Variants in SOX5 observed in about 807,000 individuals in gnomAD.
The protein encoded by SOX5 is SRY-box transcription factor 5, also known as transcription factor SOX-5.
A neutral mutation model predicts 92.0 loss-of-function variants in SOX5; 9 were observed. The observed-to-expected ratio is 0.10, with a 90% CI of 0.06 to 0.17. SOX5 has a LOEUF of 0.17. Among genes scored for constraint, SOX5 ranks in the 10% least tolerant of loss-of-function variants. The pLI is 1.00. For synonymous variants in SOX5, 344 were observed against 336.3 expected (o/e 1.02, Z -0.25); for missense variants, 642 against 944.5 (o/e 0.68, Z 4.20).
At chr12:23,825,712 A>ATTT (rs2096218600) in intron 3 of SOX5, among the ~76,000 whole-genome samples, 1 of 152,222 alleles carries the variant, frequency 6.6e-6, no homozygotes, top group Non-Finnish European at 1.5e-5. Context: ...TGTTTTCAAA[A>ATTT]CAACAAATAG....
chr12:24,327,217 TCAAA>T (rs1403698745), intron 2 of SOX5, among the ~76,000 whole-genome samples: 1 of 152,114 alleles, frequency 6.6e-6, no homozygotes, highest in African/African-American at 2.4e-5. Flanking sequence ...TTAATTTTCC[TCAAA>T]CAAAGGAGCT....
intron 3 of SOX5, among the ~76,000 whole-genome samples, chr12:24,258,705 A>G (rs191316297): frequency 1.1e-4 from 17 of 152,352 alleles, no homozygotes; most frequent in Non-Finnish European, 1.5e-4. Flanking sequence ...GCTATTTCCT[A>G]TATCATCTTA....
intron 1 of SOX5, among the ~76,000 whole-genome samples, chr12:23,923,459 G>T (rs1370858294): frequency 6.6e-6 from 1 of 152,102 alleles, no homozygotes; most frequent in Non-Finnish European, 1.5e-5. Flanking sequence ...CAGTTAGAAG[G>T]TGAAATTAAG....
intron 1 of SOX5, among the ~76,000 whole-genome samples, chr12:23,934,298 T>G (rs1412147729): frequency 6.6e-6 from 1 of 151,118 alleles, no homozygotes; most frequent in East Asian, 1.9e-4. Flanking sequence ...AGCTATGGTT[T>G]TAGTTTTAGA....
At chr12:23,976,345 T>C (rs1028548235) in intron 4 of SOX5, among the ~76,000 whole-genome samples, 2 of 140,362 alleles carry the variant, frequency 1.4e-5, no homozygotes, top group Non-Finnish European at 3.0e-5. Flanking sequence ...TTAGAGATGA[T>C]GTATTTAAAT....
intron 1 of SOX5, among the ~76,000 whole-genome samples, chr12:24,474,323 CA>C (rs1566254193): frequency 2.0e-5 from 3 of 152,120 alleles, no homozygotes; most frequent in African/African-American, 7.2e-5. Flanking sequence ...AGTTCCCTAA[CA>C]AAAATAACTT....
intron 4 of SOX5, among the ~76,000 whole-genome samples, chr12:24,119,145 G>C (rs562483674): frequency 2.4e-3 from 366 of 152,146 alleles, no homozygotes; most frequent in African/African-American, 8.2e-3. Context: ...ACAAGCATTA[G>C]GTTGTCTGAA....
At chr12:23,936,714 T>C (rs1942642303) in intron 1 of SOX5, among the ~76,000 whole-genome samples, 1 of 150,926 alleles carries the variant, frequency 6.6e-6, no homozygotes, top group South Asian at 2.1e-4. Flanking sequence ...ATTTTAAATT[T>C]TCTAGTAGTC....
chr12:23,655,990 ACTT>A (rs142139912), intron 7 of SOX5, among the ~76,000 whole-genome samples: 5,279 of 152,098 alleles, frequency 0.035, 155 homozygotes, highest in African/African-American at 0.076. Context: ...CAATAATTTG[ACTT>A]CTTTAGAAAT....
intron 2 of SOX5, among the ~76,000 whole-genome samples, chr12:24,314,797 T>G (rs1194766894): frequency 6.6e-6 from 1 of 152,212 alleles, no homozygotes; most frequent in East Asian, 1.9e-4. Flanking sequence ...CTCTGTCCAC[T>G]ACCTGCCATC....
chr12:24,393,127 A>G lies in SOX5; in HGVS notation c.-250-24488T>C, dbSNP rs1028185113. 1.3e-5 allele frequency among the ~76,000 whole-genome samples: 2 copies of G among 151,372 alleles called. No individual in the cohort carries two copies. Among genetic ancestry groups the G allele is most frequent in the African/African-American group, 4.9e-5 (2 of 40,834 alleles). ...CAATTATAATAAATGAATAAAGTAG[A>G]TTGAAGCTAAGAAAAAAAATACAGC... On this transcript the variant is annotated intron_variant, in intron 1 of 4. Coordinates refer to the SOX5 transcript ENST00000446891. This position sits in a 1 kb window ranked among gnomAD's most constrained non-coding sequence, Gnocchi z 5.0.
intron 4 of SOX5, among the ~76,000 whole-genome samples, chr12:23,755,422 T>C (rs1272923045): frequency 6.6e-6 from 1 of 151,788 alleles, no homozygotes; most frequent in African/African-American, 2.4e-5. Flanking sequence ...GGTGATTCTG[T>C]TGAAAACAAC....
chr12:24,084,103 A>G (rs980406796), intron 4 of SOX5, among the ~76,000 whole-genome samples: 8 of 152,104 alleles, frequency 5.3e-5, no homozygotes, highest in Admixed American at 2.6e-4. Context: ...TGGGCAAAAG[A>G]GGAAGTAAGT....
At chr12:23,805,096 GGAAT>G (rs1186648620) in intron 3 of SOX5, among the ~76,000 whole-genome samples, 1 of 150,764 alleles carries the variant, frequency 6.6e-6, no homozygotes, top group African/African-American at 2.4e-5. Context: ...AATGAAAGAA[GGAAT>G]GAATGAACTC....
At chr12:24,117,066 A>G (rs187779170) in intron 4 of SOX5, among the ~76,000 whole-genome samples, 2 of 152,266 alleles carry the variant, frequency 1.3e-5, no homozygotes, top group African/African-American at 2.4e-5. Context: ...CATACATCAG[A>G]TAAGAGACTA....
At chr12:23,870,075 G>A (rs1338469495) in intron 2 of SOX5, among the ~76,000 whole-genome samples, 1 of 151,962 alleles carries the variant, frequency 6.6e-6, no homozygotes, top group Non-Finnish European at 1.5e-5. Context: ...GATAAAACAC[G>A]ACCTCATTCT....
intron 4 of SOX5, among the ~76,000 whole-genome samples, chr12:24,131,350 A>C (rs1373507938): frequency 6.6e-6 from 1 of 152,140 alleles, no homozygotes; most frequent in Non-Finnish European, 1.5e-5. Flanking sequence ...CATGTTGCAG[A>C]GTTTTACTTC....
At chr12:23,702,904 G>C (rs1224264915) in intron 6 of SOX5, among the ~76,000 whole-genome samples, 1 of 152,046 alleles carries the variant, frequency 6.6e-6, no homozygotes, top group Non-Finnish European at 1.5e-5. Context: ...CAAGCTTATA[G>C]AATTTCTCAC....
Position 23,949,649 on chromosome 12 carries a change from T to C in SOX5, c.-48A>G. 6.2e-7 allele frequency: 1 copy of C among 1,613,706 alleles called. No individual in the cohort carries two copies. Among genetic ancestry groups the C allele is most frequent in the Non-Finnish European group, 8.5e-7 (1 of 1,179,782 alleles). On this transcript the variant is annotated 5_prime_UTR_variant, in exon 1 of 15. Coordinates refer to ENST00000451604, the MANE Select transcript of SOX5 (RefSeq NM_006940.6). ...TTGTCACAGCAGCCACCTATGATCG[T>C]CTCCAACTGAACCTGTCAAGTGAGT... is the stretch of plus-strand genomic sequence containing the variant.
Sources: allele counts gnomAD v4.1 joint callset (sites outside exome capture counted in the v4.1 genomes callset), GRCh38; gene constraint gnomAD v4.1.1; non-coding constraint Gnocchi (gnomAD v3.1); transcripts MANE v1.5; gene names NCBI Gene and HGNC (gene_info 2026-07-23, HGNC 2026-07-21).